SLC16A7: variants seen among roughly 807,000 people sequenced by gnomAD.
SLC16A7 encodes solute carrier family 16 member 7, also known as monocarboxylate transporter 2.
A neutral mutation model predicts 34.9 loss-of-function variants in SLC16A7; 33 were observed. The observed-to-expected ratio is 0.94, with a 90% CI of 0.72 to 1.26. SLC16A7 has a LOEUF of 1.26. Among genes scored for constraint, SLC16A7 ranks in the 50% most tolerant of loss-of-function variants. The pLI, the probability that SLC16A7 is intolerant of heterozygous loss-of-function variation, is 0.00. For synonymous variants in SLC16A7, 201 were observed against 206.6 expected (o/e 0.97, Z 0.23); for missense variants, 573 against 578.1 (o/e 0.99, Z 0.09).
rs890524174 is a variant in SLC16A7, at chr12:59,596,767, A to T, written c.-130+531A>T. Among the ~76,000 whole-genome samples the T allele has an allele frequency of 6.6e-6, 1 of 152,126 alleles. No individual in the cohort carries two copies. Among genetic ancestry groups the T allele is most frequent in the East Asian group, 1.9e-4 (1 of 5,170 alleles). ...GAGAGAACGTCTTCTCTTTGAGCAG[A>T]TGATCAGGACAGGAAGAGGCTGTGA... On this transcript the variant is annotated intron_variant, in intron 1 of 5. Coordinates refer to ENST00000547379, the MANE Select transcript of SLC16A7 (RefSeq NM_001270623.2). This position sits in a 1 kb window ranked among gnomAD's most constrained non-coding sequence, Gnocchi z 5.0.
At position 59,687,519 on chromosome 12, in the gene SLC16A7, A is replaced by G. The variant is rs1396971469; in HGVS notation, c.-30-17253A>G. On this transcript the variant is annotated intron_variant, in intron 2 of 5. Transcript: ENST00000547379. ...AACTTCTTCTAACAGATTCCTCACT[A>G]TTGCCTGCCCATCCTTGAAGCCAAT... Among the ~76,000 whole-genome samples, 4 of 152,044 alleles carry G rather than the reference A, an allele frequency of 2.6e-5. 1 individual carries two copies. The highest frequency in any genetic ancestry group is 5.9e-5 in the Non-Finnish European group (4 of 67,994).
intron 3 of SLC16A7, among the ~76,000 whole-genome samples, chr12:59,706,825 A>G (rs1873640232): frequency 6.6e-6 from 1 of 152,126 alleles, no homozygotes; most frequent in Admixed American, 6.6e-5. Context: ...ATATAAGTCC[A>G]TTGAATTTGA....
At chr12:59,632,684 A>G (rs1880235951) in intron 1 of SLC16A7, among the ~76,000 whole-genome samples, 2 of 152,020 alleles carry the variant, frequency 1.3e-5, no homozygotes, top group Admixed American at 1.3e-4. Context: ...AAGCATTGCC[A>G]AATATCCTCT....
rs374217984 is a variant in SLC16A7 at position 59,735,112 on chromosome 12, C to T, written c.217+30094C>T. ...TGTGCTTTGTGATTTAGGTGCTGAA[C>T]GGCTAAGGTATAAATAGTACACCAC... On this transcript the variant is annotated intron_variant, in intron 3 of 5. Transcript: ENST00000547379. Among the ~76,000 whole-genome samples the T allele has an allele frequency of 2.6e-4, 40 of 152,210 alleles. No homozygotes were observed. The South Asian group carries it at 5.0e-3, about 19-fold the overall frequency.
chr12:59,671,882 T>C (rs796413650), intron 2 of SLC16A7, among the ~76,000 whole-genome samples: 3 of 111,130 alleles, frequency 2.7e-5, no homozygotes, highest in Non-Finnish European at 3.9e-5. Flanking sequence ...TGTATATATG[T>C]ATATATGTAC....
At chr12:59,728,807 C>T (rs17648859) in intron 3 of SLC16A7, among the ~76,000 whole-genome samples, 15,167 of 152,244 alleles carry the variant, frequency 0.1, 1,033 homozygotes, top group Non-Finnish European at 0.15. Context: ...TGACAATCAG[C>T]TGTTATTTCC....
intron 1 of SLC16A7, among the ~76,000 whole-genome samples, chr12:59,615,003 A>AAAAAATAAATAAAT (rs1158407636): frequency 1.3e-5 from 2 of 151,198 alleles, no homozygotes; most frequent in Non-Finnish European, 1.5e-5. Flanking sequence ...GATCCATCTC[A>AAAAAATAAATAAAT]AAAAATAAAT....
intron 2 of SLC16A7, among the ~76,000 whole-genome samples, chr12:59,690,248 T>C (rs1040874016): frequency 6.6e-6 from 1 of 151,984 alleles, no homozygotes; most frequent in African/African-American, 2.4e-5. Context: ...AAATCATATT[T>C]AAAAGTTTGG....
chr12:59,734,018 A>T, intron 3 of SLC16A7: 1 of 345,680 alleles, frequency 2.9e-6, no homozygotes, highest in African/African-American at 2.1e-5. Flanking sequence ...GGGCCTGGAA[A>T]AAGCTCCATA....
chr12:59,611,590 A>G (rs992876289), intron 1 of SLC16A7, among the ~76,000 whole-genome samples: 1 of 152,182 alleles, frequency 6.6e-6, no homozygotes, highest in African/African-American at 2.4e-5. Flanking sequence ...AGTCCCCCAA[A>G]GTGTTAAGTC....
chr12:59,647,601 G>A (rs1868268773), intron 1 of SLC16A7, among the ~76,000 whole-genome samples: 1 of 146,012 alleles, frequency 6.8e-6, no homozygotes, highest in African/African-American at 2.5e-5. Flanking sequence ...ATCAGGTAAA[G>A]TTGTGTTTGG....
At chr12:59,741,915 A>G (rs1051501164) in intron 3 of SLC16A7, among the ~76,000 whole-genome samples, 6 of 152,214 alleles carry the variant, frequency 3.9e-5, no homozygotes, top group African/African-American at 1.2e-4. Context: ...ACTGAGGGGC[A>G]TAAGGCAGAA....
chr12:59,711,763 A>C (rs532564635), intron 3 of SLC16A7, among the ~76,000 whole-genome samples: 1 of 152,310 alleles, frequency 6.6e-6, no homozygotes, highest in African/African-American at 2.4e-5. Flanking sequence ...CTTGGCTTCC[A>C]AAAGGGCTGG....
intron 2 of SLC16A7, among the ~76,000 whole-genome samples, chr12:59,689,085 A>G (rs2137089825): frequency 6.6e-6 from 1 of 152,068 alleles, no homozygotes; most frequent in Non-Finnish European, 1.5e-5. Context: ...ACAGGTTTAT[A>G]TCACTATTTT....
chr12:59,640,372 G>T (rs892226137), intron 1 of SLC16A7, among the ~76,000 whole-genome samples: 1 of 152,064 alleles, frequency 6.6e-6, no homozygotes, highest in Non-Finnish European at 1.5e-5. Flanking sequence ...AAATTTTGGT[G>T]AATGTCCCTG....
intron 1 of SLC16A7, among the ~76,000 whole-genome samples, chr12:59,649,770 G>A (rs1305533458): frequency 1.3e-5 from 2 of 152,068 alleles, no homozygotes; most frequent in Non-Finnish European, 2.9e-5. Flanking sequence ...CCAACATGGC[G>A]AAACCCCGTC....
intron 3 of SLC16A7, among the ~76,000 whole-genome samples, chr12:59,750,759 T>C (rs1879430713): frequency 6.6e-6 from 1 of 152,130 alleles, no homozygotes; most frequent in East Asian, 1.9e-4. Flanking sequence ...ACACATGCAC[T>C]TGTATGTTTA....
chr12:59,604,486 G>A (rs988369071), intron 1 of SLC16A7, among the ~76,000 whole-genome samples: 2 of 152,344 alleles, frequency 1.3e-5, no homozygotes, highest in Admixed American at 1.3e-4. Context: ...GTGTGTGTGT[G>A]TGTATAATAA....
intron 3 of SLC16A7, among the ~76,000 whole-genome samples, chr12:59,720,670 A>T (rs1338027768): frequency 5.3e-5 from 8 of 152,046 alleles, no homozygotes; most frequent in Non-Finnish European, 1.0e-4. Flanking sequence ...CCCAACTCCC[A>T]TGTTCACACC....
Sources: allele counts gnomAD v4.1 joint callset (sites outside exome capture counted in the v4.1 genomes callset), GRCh38; gene constraint gnomAD v4.1.1; non-coding constraint Gnocchi (gnomAD v3.1); transcripts MANE v1.5; gene names NCBI Gene and HGNC (gene_info 2026-07-23, HGNC 2026-07-21).